KHDRBS3: variants seen among roughly 807,000 people sequenced by gnomAD.
KHDRBS3 encodes the protein KH domain-containing, RNA-binding, signal transduction-associated protein 3.
KHDRBS3 carries 23 observed loss-of-function variants against 45.6 expected under a neutral mutation model. The observed-to-expected ratio is 0.50, with a 90% CI of 0.36 to 0.72. KHDRBS3 has a LOEUF of 0.72. KHDRBS3 is among the 30% of genes least tolerant of loss of function. The probability of loss-of-function intolerance (pLI) is 0.00; values close to 1 mark genes in which losing one functional copy is unlikely to be tolerated. For synonymous variants in KHDRBS3, 162 were observed against 156.5 expected (o/e 1.04, Z -0.26); for missense variants, 352 against 424.8 (o/e 0.83, Z 1.51).
At position 135,521,113 on chromosome 8, in the gene KHDRBS3, T is replaced by G. The variant is rs536284698; in HGVS notation, c.89-124T>G. ...AACCGGAAATGTACTTGAAAACATT[T>G]GCCTCAATTTAATAGTCCATACTTC... On this transcript the variant is annotated intron_variant, in intron 1 of 8. Transcript: ENST00000355849. 1.6e-4 allele frequency: 103 copies of G among 638,510 alleles called. 3 individuals are homozygous for G. The South Asian group carries it at 1.9e-3, about 12-fold the overall frequency. 39.6% of individuals were successfully genotyped at this position (638,510 alleles called of 1,614,324 possible).
intron 2 of KHDRBS3, among the ~76,000 whole-genome samples, chr8:135,527,590 G>A (rs1586665387): frequency 6.6e-6 from 1 of 152,254 alleles, no homozygotes; most frequent in Non-Finnish European, 1.5e-5. Context: ...GCTTCTCCAG[G>A]TGCTTAATGA....
chr8:135,646,256 T>C (rs376193222), intron 8 of KHDRBS3, among the ~76,000 whole-genome samples: 1 of 152,148 alleles, frequency 6.6e-6, no homozygotes, highest in African/African-American at 2.4e-5. Flanking sequence ...CCAAGACTTA[T>C]AGATAACTCA....
At chr8:135,556,138 A>G (rs896452496) in intron 4 of KHDRBS3, among the ~76,000 whole-genome samples, 1 of 152,154 alleles carries the variant, frequency 6.6e-6, no homozygotes, top group Non-Finnish European at 1.5e-5. Context: ...TCTATCATTG[A>G]TGGACATTTG....
intron 4 of KHDRBS3, among the ~76,000 whole-genome samples, chr8:135,554,595 C>T (rs551155471): frequency 6.6e-6 from 1 of 152,104 alleles, no homozygotes; most frequent in South Asian, 2.1e-4. Flanking sequence ...TTTATATTTA[C>T]AATAAAATAT....
chr8:135,542,851 T>C, intron 3 of KHDRBS3, 81 bp downstream of exon 3: 1 of 936,598 alleles, frequency 1.1e-6, no homozygotes, highest in East Asian at 2.4e-5. Context: ...TATTCATACA[T>C]AGTTACATAA....
At chr8:135,493,521 A>T (rs1823263678) in intron 1 of KHDRBS3, among the ~76,000 whole-genome samples, 1 of 152,104 alleles carries the variant, frequency 6.6e-6, no homozygotes, top group Non-Finnish European at 1.5e-5. Context: ...TTAATATTTT[A>T]AAATACTTTT....
chr8:135,475,720 G>A (rs1822249321), intron 1 of KHDRBS3, among the ~76,000 whole-genome samples: 1 of 152,070 alleles, frequency 6.6e-6, no homozygotes, highest in African/African-American at 2.4e-5. Context: ...GATTTGTTGA[G>A]TTCTTGCTAA....
intron 7 of KHDRBS3, among the ~76,000 whole-genome samples, chr8:135,635,328 C>T (rs997572474): frequency 3.3e-5 from 5 of 152,096 alleles, no homozygotes; most frequent in Admixed American, 2.0e-4. Flanking sequence ...AAATAATAGA[C>T]GATATTCTTC....
At chr8:135,645,494 T>C (rs1831244984) in intron 8 of KHDRBS3, among the ~76,000 whole-genome samples, 1 of 152,206 alleles carries the variant, frequency 6.6e-6, no homozygotes, top group South Asian at 2.1e-4. Context: ...TCTAAAGTGA[T>C]TCTCCCACCT....
intron 7 of KHDRBS3, among the ~76,000 whole-genome samples, chr8:135,631,455 G>GT (rs72323528): frequency 7.1e-4 from 104 of 147,394 alleles, no homozygotes; most frequent in East Asian, 4.5e-3. Flanking sequence ...TAATGTTTTG[G>GT]TTTTTTTTTT....
chr8:135,550,113 C>T (rs1047463189), intron 4 of KHDRBS3: 1 of 152,090 alleles, frequency 6.6e-6, no homozygotes, highest in Non-Finnish European at 1.5e-5. Flanking sequence ...GAAACTATGG[C>T]GAGACCACAG....
intron 1 of KHDRBS3, among the ~76,000 whole-genome samples, chr8:135,495,487 A>G (rs995082018): frequency 7.2e-5 from 11 of 152,224 alleles, no homozygotes; most frequent in African/African-American, 2.4e-4. Flanking sequence ...GAAATATATC[A>G]TGACAAGAAT....
chr8:135,484,374 A>G (rs535645377), intron 1 of KHDRBS3, among the ~76,000 whole-genome samples: 1 of 152,328 alleles, frequency 6.6e-6, no homozygotes, highest in East Asian at 1.9e-4. Flanking sequence ...TGAAGAATGG[A>G]AGACTTTGGC....
chr8:135,621,925 G>C (rs993572358), intron 7 of KHDRBS3, among the ~76,000 whole-genome samples: 1 of 151,772 alleles, frequency 6.6e-6, no homozygotes, highest in Non-Finnish European at 1.5e-5. Flanking sequence ...CAATGAAGGT[G>C]CTCCCCATGC....
At chr8:135,518,465 C>T (rs563746476) in intron 1 of KHDRBS3, among the ~76,000 whole-genome samples, 4 of 152,238 alleles carry the variant, frequency 2.6e-5, no homozygotes, top group East Asian at 3.9e-4. Context: ...TGAGCCACCA[C>T]GCCCGGCCTA....
intron 4 of KHDRBS3, among the ~76,000 whole-genome samples, chr8:135,550,792 G>A (rs1162586178): frequency 1.3e-5 from 2 of 151,714 alleles, no homozygotes; most frequent in Non-Finnish European, 2.9e-5. Flanking sequence ...ATATTATATT[G>A]AATCTATAGA....
chr8:135,648,430 C>G (rs1009465629), downstream of KHDRBS3: 7 of 152,062 alleles, frequency 4.6e-5, no homozygotes, highest in Admixed American at 1.3e-4. Context: ...AAAGTTTATT[C>G]TTTAATCATT....
chr8:135,543,770 T>C (rs1446685474), intron 3 of KHDRBS3, among the ~76,000 whole-genome samples: 1 of 152,192 alleles, frequency 6.6e-6, no homozygotes, highest in Non-Finnish European at 1.5e-5. Flanking sequence ...TTTTTTGTTT[T>C]TGATTAACAC....
At chr8:135,627,237 G>C (rs185403430) in intron 7 of KHDRBS3, among the ~76,000 whole-genome samples, 6 of 152,158 alleles carry the variant, frequency 3.9e-5, no homozygotes, top group Non-Finnish European at 7.4e-5. Context: ...CTTCTCTTCC[G>C]CACTCCTTCA....
Sources: gnomAD v4.1 joint callset for allele counts (sites outside exome capture counted in the v4.1 genomes callset) on GRCh38, gnomAD v4.1.1 for gene constraint, MANE v1.5 for transcripts, NCBI Gene and HGNC (gene_info 2026-07-23, HGNC 2026-07-21) for gene names.